ZNRF3: variants seen among roughly 807,000 people sequenced by gnomAD.
The protein encoded by ZNRF3 is E3 ubiquitin-protein ligase ZNRF3.
A neutral mutation model predicts 72.5 loss-of-function variants in ZNRF3; 23 were observed. That is an observed-to-expected ratio of 0.32 (90% CI 0.23 to 0.45). The LOEUF (loss-of-function observed/expected upper bound fraction) is 0.45. Ranked by LOEUF, ZNRF3 falls within the 20% of genes least tolerant of loss-of-function variation. The pLI, the probability that ZNRF3 is intolerant of heterozygous loss-of-function variation, is 1.00. For missense variants in ZNRF3, 1,169 were observed against 1,272.1 expected, an observed-to-expected ratio of 0.92 and a Z score of 1.23; for synonymous variants, 610 against 545.3, an observed-to-expected ratio of 1.12 and a Z score of -1.65.
chr22:28,955,789 C>G (rs1044661325), intron 1 of ZNRF3, among the ~76,000 whole-genome samples: 3 of 151,480 alleles, frequency 2.0e-5, no homozygotes, highest in African/African-American at 7.3e-5. Context: ...CATGGTGGCT[C>G]GTGCCTGTGG....
chr22:29,020,128 ATTACT>A (rs1055856630), intron 2 of ZNRF3, among the ~76,000 whole-genome samples: 2 of 151,766 alleles, frequency 1.3e-5, no homozygotes, highest in African/African-American at 4.8e-5. Context: ...ATCATCTCTG[ATTACT>A]TTATGATACC....
At chr22:28,944,332 T>A (rs1035042288) in intron 1 of ZNRF3, among the ~76,000 whole-genome samples, 4 of 152,084 alleles carry the variant, frequency 2.6e-5, no homozygotes, top group African/African-American at 9.7e-5. Flanking sequence ...TATATAAACT[T>A]ACTACTTTGG....
chr22:29,003,577 T>A (rs2036191537), intron 2 of ZNRF3, among the ~76,000 whole-genome samples: 2 of 151,658 alleles, frequency 1.3e-5, no homozygotes, highest in Admixed American at 6.6e-5. Context: ...TGAAGGCTCG[T>A]GCCTGTAATC....
intron 2 of ZNRF3, among the ~76,000 whole-genome samples, chr22:28,999,088 T>C (rs2036096811): frequency 4.9e-5 from 7 of 143,430 alleles, no homozygotes; most frequent in Admixed American, 4.5e-4. Context: ...GAGGCAGAGG[T>C]GGGCGGATCA....
At chr22:28,908,538 T>C (rs928958130) in intron 1 of ZNRF3, among the ~76,000 whole-genome samples, 2 of 152,156 alleles carry the variant, frequency 1.3e-5, no homozygotes, top group African/African-American at 4.8e-5. Context: ...TACGTGGTGA[T>C]GTTTGCTTTT....
At chr22:28,942,259 G>A (rs2034961982) in intron 1 of ZNRF3, among the ~76,000 whole-genome samples, 2 of 152,220 alleles carry the variant, frequency 1.3e-5, no homozygotes, top group Non-Finnish European at 2.9e-5. Context: ...CAGAGAGCCT[G>A]GATGAGGCTG....
At chr22:28,953,562 G>A (rs187771501) in intron 1 of ZNRF3, among the ~76,000 whole-genome samples, 500 of 152,300 alleles carry the variant, frequency 3.3e-3, no homozygotes, top group Non-Finnish European at 5.4e-3. Context: ...TATGAGTAAA[G>A]AACATGAAAG....
chr22:28,924,626 A>G (rs561344923), intron 1 of ZNRF3, among the ~76,000 whole-genome samples: 2 of 152,270 alleles, frequency 1.3e-5, no homozygotes, highest in Admixed American at 1.3e-4. Flanking sequence ...AGTCCTAGCT[A>G]CTTGGGAGGC....
At chr22:28,918,491 C>CGT (rs1484677155) in intron 1 of ZNRF3, among the ~76,000 whole-genome samples, 2 of 148,818 alleles carry the variant, frequency 1.3e-5, no homozygotes, top group Non-Finnish European at 3.0e-5. Flanking sequence ...TGGGTGCGTG[C>CGT]GTGTGTGTGT....
chr22:29,011,967 A>G (rs1471639800), intron 2 of ZNRF3, among the ~76,000 whole-genome samples: 1 of 152,228 alleles, frequency 6.6e-6, no homozygotes, highest in African/African-American at 2.4e-5. Context: ...CAAGCCGACA[A>G]TGTGGGCCCA....
Position 29,055,893 on chromosome 22 carries a change from G to T in ZNRF3, c.*2271G>T, listed in dbSNP as rs1386650740. On this transcript the variant is annotated 3_prime_UTR_variant, in exon 9 of 9. Coordinates refer to ENST00000544604, the MANE Select transcript of ZNRF3 (RefSeq NM_001206998.2). ...CCCAAAGTGGCTTTCTTTAGCCCTG[G>T]CTGGAAAACCACCTCTCAATAGCCT... 2 of 152,022 alleles carry T rather than the reference G, an allele frequency of 1.3e-5. No individual in the cohort carries two copies. Among genetic ancestry groups the T allele is most frequent in the African/African-American group, 4.8e-5 (2 of 41,372 alleles). 9.4% of individuals were successfully genotyped at this position (152,022 alleles called of 1,614,324 possible).
intron 2 of ZNRF3, among the ~76,000 whole-genome samples, chr22:28,989,415 C>T (rs2123830219): frequency 6.6e-6 from 1 of 152,228 alleles, no homozygotes; most frequent in Non-Finnish European, 1.5e-5. Context: ...TGTGGTTGTT[C>T]TCAGTCTCAA....
At chr22:28,952,931 C>T (rs1335503184) in intron 1 of ZNRF3, among the ~76,000 whole-genome samples, 3 of 152,188 alleles carry the variant, frequency 2.0e-5, no homozygotes, top group Admixed American at 2.0e-4. Context: ...CAGGATAAGG[C>T]AGCATTTTTC....
intron 1 of ZNRF3, among the ~76,000 whole-genome samples, chr22:28,972,834 GCATCTTTT>G (rs1330102911): frequency 2.6e-5 from 4 of 152,334 alleles, no homozygotes; most frequent in African/African-American, 9.6e-5. Context: ...ATGATATTGA[GCATCTTTT>G]AATGTGCTTG....
At chr22:28,917,527 T>G (rs1444369811) in intron 1 of ZNRF3, 9 of 839,652 alleles carry the variant, frequency 1.1e-5, no homozygotes, top group Non-Finnish European at 1.3e-5. Flanking sequence ...ATATACTCTC[T>G]GTAGGCTGAA....
intron 1 of ZNRF3, among the ~76,000 whole-genome samples, chr22:28,905,189 G>A (rs576037790): frequency 4.6e-5 from 7 of 151,902 alleles, no homozygotes; most frequent in Non-Finnish European, 8.8e-5. Flanking sequence ...CTCCTGCCTC[G>A]GCCTCCCAAA....
chr22:29,023,894 C>T (rs548594450), intron 2 of ZNRF3, among the ~76,000 whole-genome samples: 14 of 152,194 alleles, frequency 9.2e-5, no homozygotes, highest in Non-Finnish European at 1.5e-4. Context: ...GCATATTCTA[C>T]AATTACCTGC....
intron 1 of ZNRF3, among the ~76,000 whole-genome samples, chr22:28,935,555 C>T (rs2123782096): frequency 6.6e-6 from 1 of 152,286 alleles, no homozygotes; most frequent in East Asian, 1.9e-4. Context: ...TGTCTTTGTG[C>T]ACTTGGAGGC....
chr22:28,959,541 T>TA (rs1450898121), intron 1 of ZNRF3, among the ~76,000 whole-genome samples: 7 of 152,226 alleles, frequency 4.6e-5, no homozygotes, highest in South Asian at 2.1e-4. Flanking sequence ...TTTTTGTAAA[T>TA]AAAATCAGGA....
Sources: gnomAD v4.1 joint callset for allele counts (sites outside exome capture counted in the v4.1 genomes callset) on GRCh38, gnomAD v4.1.1 for gene constraint, MANE v1.5 for transcripts, NCBI Gene and HGNC (gene_info 2026-07-23, HGNC 2026-07-21) for gene names.